The following NUP188 variants were observed in gnomAD, a reference collection of about 807,000 sequenced individuals.
NUP188 encodes nucleoporin 188.
In NUP188, 97 loss-of-function variants were observed where a neutral mutation model predicts 223.0. The observed-to-expected ratio is 0.43, with a 90% CI of 0.37 to 0.51. NUP188 has a LOEUF of 0.51. NUP188 is among the 20% of genes least tolerant of loss of function. NUP188 has a pLI of 0.00. For missense variants in NUP188, 1,947 were observed against 2,175.6 expected (o/e 0.89, Z 2.09); for synonymous variants, 869 against 828.0 (o/e 1.05, Z -0.85).
chr9:128,994,128 C>T (rs1842476883), intron 27 of NUP188, among the ~76,000 whole-genome samples: 1 of 152,082 alleles, frequency 6.6e-6, no homozygotes, highest in Non-Finnish European at 1.5e-5. Flanking sequence ...TGGGAATCTA[C>T]AGTGGAAGGA....
intron 32 of NUP188, 42 bp downstream of exon 32, chr9:128,998,665 TCTTGTCAGTGCCTG>T: frequency 6.7e-7 from 1 of 1,490,084 alleles, no homozygotes; most frequent in Non-Finnish European, 9.3e-7. Flanking sequence ...GCCAGAGCCT[TCTTGTCAGTGCCTG>T]CTTGCCTTCC....
In NUP188 at chr9:128,968,610, T is replaced by G. The variant is rs372015505; in HGVS notation, c.690T>G (p.Ser230Arg). Residue 230 changes from serine (S) to arginine (R), a missense_variant, in exon 9 of 44, where the codon AGT becomes AGG. Transcript: ENST00000372577. ...LYYAYFEMAPSDLLVLTKMFK... is the reference protein window; with the variant it reads ...LYYAYFEMAPRDLLVLTKMFK... ...ATGCATACTTTGAGATGGCACCCAG[T>G]GACTTACTTGTATTAACCAAGATGT... 1.4e-5 allele frequency: 22 copies of G among 1,613,922 alleles called. No homozygotes were observed. Among genetic ancestry groups the G allele is most frequent in the Non-Finnish European group, 1.9e-5 (22 of 1,179,920 alleles).
At position 129,006,127 on chromosome 9, in the gene NUP188, A is replaced by G. The variant is rs2131204759; in HGVS notation, c.4943+4A>G. On this transcript the variant is annotated splice_donor_region_variant and intron_variant, in intron 42 of 43. Transcript: ENST00000372577. ...CAGAAGGGACCAGGACGTTAAAGTA[A>G]GTGCTCTTTCTGGGATTTGATAAGG... 6.2e-7 allele frequency: 1 copy of G among 1,614,120 alleles called. No individual in the cohort carries two copies.
Position 129,002,832 on chromosome 9 carries a change from C to G in NUP188, c.4153C>G (p.Arg1385Gly). 6.2e-7 allele frequency: 1 copy of G among 1,614,002 alleles called. No homozygotes were observed. Among genetic ancestry groups the G allele is most frequent in the Non-Finnish European group, 8.5e-7 (1 of 1,179,914 alleles). The part of the protein sequence containing the change: ...NGTAQTPSAS[R>G]KSLDAPSWPG... ...TGTATCTTAGACACCTAGTGCCTCTCGGAAGTCCCTGGATGCCCCCTCTTG... is the reference window on the plus strand; with the variant it reads ...TGTATCTTAGACACCTAGTGCCTCTGGGAAGTCCCTGGATGCCCCCTCTTG... The change falls in exon 37 of 44, where the codon CGG (arginine) becomes GGG (glycine). Residue 1385 changes from arginine (R) to glycine (G), a missense_variant. Around this residue, in one of 3 missense-constraint regions of NUP188, gnomAD observed 905 missense variants for 990.6 expected, o/e 0.91. Coordinates refer to ENST00000372577, the MANE Select transcript of NUP188 (RefSeq NM_015354.3).
chr9:128,950,023 A>G (rs1172772705), intron 2 of NUP188, among the ~76,000 whole-genome samples: 1 of 148,978 alleles, frequency 6.7e-6, no homozygotes, highest in Non-Finnish European at 1.5e-5. Flanking sequence ...CCTGGGTTCA[A>G]GTGATTCTCC....
chr9:129,005,070 G>C, intron 38 of NUP188, 77 bp from the exon 39 acceptor site: 1 of 970,318 alleles, frequency 1.0e-6, no homozygotes, highest in Non-Finnish European at 1.7e-6. Context: ...GTTACATGGA[G>C]GGCTATTGGG....
chr9:128,970,017 T>A (rs1323113589), intron 10 of NUP188, among the ~76,000 whole-genome samples: 1 of 152,174 alleles, frequency 6.6e-6, no homozygotes, highest in African/African-American at 2.4e-5. Context: ...AACCTCCACC[T>A]CCTGGGTTCA....
intron 26 of NUP188, 22 bp from the exon 27 acceptor site, chr9:128,993,503 T>C: frequency 1.2e-6 from 2 of 1,613,622 alleles, no homozygotes; most frequent in Non-Finnish European, 1.7e-6. Context: ...GGAACTGAAC[T>C]CTTACCTGTC....
At chr9:128,968,159 G>C (rs543014889) in intron 8 of NUP188, among the ~76,000 whole-genome samples, 1 of 151,986 alleles carries the variant, frequency 6.6e-6, no homozygotes, top group African/African-American at 2.4e-5. Context: ...CTAACTACTC[G>C]AGAGGCTCAG....
intron 38 of NUP188, 72 bp from the exon 39 acceptor site, chr9:129,005,075 A>G (rs1297745470): frequency 8.5e-6 from 9 of 1,059,112 alleles, no homozygotes; most frequent in Middle Eastern, 2.1e-4. Flanking sequence ...ATGGAGGGCT[A>G]TTGGGTTGGT....
intron 8 of NUP188, among the ~76,000 whole-genome samples, chr9:128,967,538 C>G (rs994049117): frequency 2.0e-5 from 3 of 152,072 alleles, no homozygotes; most frequent in Non-Finnish European, 4.4e-5. Flanking sequence ...CGCCTGTAAT[C>G]CCAGCACTCG....
chr9:128,953,640 A>T (rs1335566188), intron 3 of NUP188, among the ~76,000 whole-genome samples: 1 of 152,194 alleles, frequency 6.6e-6, no homozygotes, highest in East Asian at 1.9e-4. Flanking sequence ...CAAATACTTG[A>T]CTATGTATCT....
At position 128,999,627 on chromosome 9, in the gene NUP188, G is replaced by A; in HGVS notation, c.3665G>A (p.Ser1222Asn). Reference sequence around the variant, plus strand: ...TCCCTCCCTGTCTATTCTACAGTAAGTGACATCCCCCAGTACTCCCAGCTG... The same window carrying A: ...TCCCTCCCTGTCTATTCTACAGTAAATGACATCCCCCAGTACTCCCAGCTG... ...TVLQMKEMKV[S>N]DIPQYSQLVL... The change falls in exon 34 of 44, where the codon AGT (serine) becomes AAT (asparagine). Residue 1222 changes from serine to asparagine, a missense_variant. Ser to Asn is a conservative substitution (Grantham distance 46). Around this residue, in one of 3 missense-constraint regions of NUP188, gnomAD observed 905 missense variants for 990.6 expected, o/e 0.91. Transcript: ENST00000372577. 1.2e-6 allele frequency: 2 copies of A among 1,613,982 alleles called. No homozygotes were observed. The highest frequency in any genetic ancestry group is 1.7e-6 in the Non-Finnish European group (2 of 1,179,952).
chr9:128,953,001 G>GT, intron 3 of NUP188, 155 bp downstream of exon 3: 1 of 587,054 alleles, frequency 1.7e-6, no homozygotes, highest in Non-Finnish European at 3.0e-6. Context: ...GGGTACATTT[G>GT]TTTTTTTGTT....
intron 23 of NUP188, among the ~76,000 whole-genome samples, 160 bp downstream of exon 23, chr9:128,987,877 G>A (rs186396774): frequency 5.9e-5 from 9 of 152,340 alleles, no homozygotes; most frequent in Admixed American, 5.9e-4. Context: ...ATAGATTGGC[G>A]TATAGCAAAG....
intron 30 of NUP188, among the ~76,000 whole-genome samples, chr9:128,995,750 AAAGCCTCCTG>A (rs1480913410): frequency 2.0e-5 from 3 of 152,176 alleles, no homozygotes; most frequent in Non-Finnish European, 2.9e-5. Flanking sequence ...CAGAGTTCCT[AAAGCCTCCTG>A]TACCTCCCTT....
At chr9:128,961,085 C>CAAAAAAAAAAA (rs561298362) in intron 8 of NUP188, among the ~76,000 whole-genome samples, 1 of 41,018 alleles carries the variant, frequency 2.4e-5, no homozygotes, top group Non-Finnish European at 4.9e-5. Flanking sequence ...GACTCCGTCT[C>CAAAAAAAAAAA]AAAAAAAAAA....
intron 38 of NUP188, chr9:129,003,848 C>CTG (rs1166147819): frequency 3.2e-6 from 1 of 312,956 alleles, no homozygotes; most frequent in Non-Finnish European, 6.0e-6. Flanking sequence ...TGGCACGTGA[C>CTG]TGTAATCCCA....
chr9:128,995,008 AGCCAAG>A (rs1223772455), intron 29 of NUP188, 85 bp downstream of exon 29: 1 of 1,008,714 alleles, frequency 9.9e-7, no homozygotes. Context: ...TGGCTGGAAG[AGCCAAG>A]GCAGAGGAGA....
Sources: allele counts gnomAD v4.1 joint callset (sites outside exome capture counted in the v4.1 genomes callset), GRCh38; gene constraint gnomAD v4.1.1; regional missense constraint gnomAD v4.1.1; transcripts MANE v1.5; gene names NCBI Gene and HGNC (gene_info 2026-07-23, HGNC 2026-07-21).